VPS13D: variants seen among roughly 807,000 people sequenced by gnomAD.
VPS13D encodes the protein intermembrane lipid transfer protein VPS13D.
Under a neutral mutation model 461.9 loss-of-function variants are expected in VPS13D, and 187 were observed. The observed-to-expected ratio is 0.40, with a 90% CI of 0.36 to 0.46. VPS13D has a LOEUF of 0.46. Among genes scored for constraint, VPS13D ranks in the 20% least tolerant of loss-of-function variants. VPS13D has a pLI of 0.60. For missense variants in VPS13D, 4,711 were observed against 5,364.9 expected, an observed-to-expected ratio of 0.88 and a Z score of 3.81; for synonymous variants, 1,951 against 1,986.3, an observed-to-expected ratio of 0.98 and a Z score of 0.47.
chr1:12,357,273 G>A (rs1384464404), intron 49 of VPS13D, among the ~76,000 whole-genome samples: 1 of 152,234 alleles, frequency 6.6e-6, no homozygotes, highest in African/African-American at 2.4e-5. Context: ...GGGTACTGAT[G>A]TGTTTACAAG....
rs2100535715 is a variant in VPS13D, at chr1:12,495,400, C to T, written c.12663-2100C>T. 6.6e-6 allele frequency among the ~76,000 whole-genome samples: 1 copy of T among 152,270 alleles called. No homozygotes were observed. The highest frequency in any genetic ancestry group is 2.1e-4 in the South Asian group (1 of 4,820). On this transcript the variant is annotated intron_variant, in intron 67 of 69. Transcript: ENST00000620676. The surrounding 1 kb of genome is among the most constrained non-coding windows in gnomAD (Gnocchi z 4.0). ...ATCTTGATCTCCTGACCCTGTGATC[C>T]ATCCGCCTCGGCCTCCCAAAGTGCT...
chr1:12,494,297 G>A (rs2100532240), intron 67 of VPS13D, among the ~76,000 whole-genome samples: 1 of 152,244 alleles, frequency 6.6e-6, no homozygotes, highest in South Asian at 2.1e-4. Flanking sequence ...CTCTGCTTTT[G>A]TATTCTCTGA....
rs1176842270 is a variant in VPS13D at position 12,358,317 on chromosome 1, G to C, written c.9999-142G>C. 3 of 1,144,150 alleles carry C rather than the reference G, an allele frequency of 2.6e-6. No individual in the cohort carries two copies. The African/African-American group carries it at 4.7e-5, about 18-fold the overall frequency. The allele number at this position is 1,144,150 out of a possible 1,614,324, so 70.9% of individuals were successfully genotyped here. A position where few individuals can be genotyped will look rare whatever the true frequency, so the allele number is the denominator to read the frequency against. ...ACTGATGAATTTTGTCACTGTGCTA[G>C]GGAATCACATGAGAGTGAGGAAGAG... On this transcript the variant is annotated intron_variant, in intron 49 of 69. Coordinates refer to ENST00000620676, the MANE Select transcript of VPS13D (RefSeq NM_015378.4).
intron 65 of VPS13D, among the ~76,000 whole-genome samples, chr1:12,430,613 G>A (rs1383103836): frequency 2.0e-5 from 3 of 152,166 alleles, no homozygotes; most frequent in African/African-American, 7.2e-5. Context: ...TGGAACCAGG[G>A]GATGGTGCCC....
At chr1:12,356,624 G>A in intron 49 of VPS13D, 100 bp downstream of exon 49, 1 of 1,444,664 alleles carries the variant, frequency 6.9e-7, no homozygotes, top group Non-Finnish European at 9.2e-7. Flanking sequence ...ATATACTGTA[G>A]ATAACAATCC....
intron 67 of VPS13D, among the ~76,000 whole-genome samples, chr1:12,477,677 C>G (rs756578704): frequency 2.0e-5 from 3 of 152,176 alleles, no homozygotes; most frequent in Non-Finnish European, 4.4e-5. Flanking sequence ...GGGACCTTCT[C>G]CTATTTGATT....
rs929413068 is a variant in VPS13D at position 12,511,604 on chromosome 1, A to G, written c.*2580A>G. 1 of 152,256 alleles carries G rather than the reference A, an allele frequency of 6.6e-6. No individual in the cohort carries two copies. Among genetic ancestry groups the G allele is most frequent in the Admixed American group, 6.5e-5 (1 of 15,284 alleles). The allele number at this position is 152,256 out of a possible 1,614,324, so 9.4% of individuals were successfully genotyped here. On this transcript the variant is annotated 3_prime_UTR_variant, in exon 70 of 70. Transcript: ENST00000620676. This position sits in a 1 kb window ranked among gnomAD's most constrained non-coding sequence, Gnocchi z 4.5. ...TGAGGAAAGTAAAATAAATGGAATA[A>G]GAGTAAATTGGGTAAGGAGATATCC...
Position 12,249,233 on chromosome 1 carries a change from A to C in VPS13D, c.458A>C (p.Gln153Pro). The part of the protein sequence containing the change: ...RIVENIELKI[Q>P]DVHLRFEDGV... ...TTTTTCTCTTTGCAGTTAAAAATTCAAGATGTCCATTTACGCTTTGAAGAT... is the reference window on the plus strand; with the variant it reads ...TTTTTCTCTTTGCAGTTAAAAATTCCAGATGTCCATTTACGCTTTGAAGAT... The change falls in exon 6 of 70, where the codon CAA (glutamine) becomes CCA (proline). Residue 153 changes from glutamine (Q) to proline (P), a missense_variant. Physicochemically the swap from Gln to Pro is moderately conservative, Grantham distance 76. Around this residue, in one of 3 missense-constraint regions of VPS13D, gnomAD observed 4,411 missense variants for 4,937.8 expected, o/e 0.89. Coordinates refer to ENST00000620676, the MANE Select transcript of VPS13D (RefSeq NM_015378.4). 3 of 1,611,988 alleles carry C rather than the reference A, an allele frequency of 1.9e-6. No homozygotes were observed. In the South Asian group the frequency reaches 3.3e-5, roughly 18 times the overall value.
chr1:12,243,597 G>A (rs1406319205), intron 3 of VPS13D, among the ~76,000 whole-genome samples: 1 of 152,148 alleles, frequency 6.6e-6, no homozygotes, highest in Non-Finnish European at 1.5e-5. Context: ...TTCAAGACCA[G>A]CCTGGGCAAC....
At chr1:12,373,135 G>T (rs1337312904) in intron 54 of VPS13D, among the ~76,000 whole-genome samples, 3 of 117,146 alleles carry the variant, frequency 2.6e-5, no homozygotes, top group South Asian at 2.9e-4. Context: ...TTTTTTTGGG[G>T]GTTGGGGCAG....
intron 57 of VPS13D, among the ~76,000 whole-genome samples, chr1:12,381,956 T>TTC (rs1171580614): frequency 1.4e-5 from 2 of 141,804 alleles, no homozygotes; most frequent in Non-Finnish European, 3.0e-5. Flanking sequence ...CTTTCTTTCT[T>TTC]TCTTTCTTTC....
chr1:12,271,217 A>T, intron 17 of VPS13D, 93 bp downstream of exon 17: 1 of 1,480,754 alleles, frequency 6.8e-7, no homozygotes, highest in South Asian at 1.2e-5. Context: ...AGGCTTACTT[A>T]TATCAATTAT....
At position 12,506,929 on chromosome 1, in the gene VPS13D, G is replaced by C. The variant is rs1448654741; in HGVS notation, c.12871G>C (p.Asp4291His). ...SKAVYFLKSGDYVDREAIFLE... is the reference protein window; with the variant it reads ...SKAVYFLKSGHYVDREAIFLE... ...AGCTGTTTACTTCCTGAAAAGTGGAGACTACGTGGATCGAGAAGCCATTTT... is the reference window on the plus strand; with the variant it reads ...AGCTGTTTACTTCCTGAAAAGTGGACACTACGTGGATCGAGAAGCCATTTT... Residue 4291 changes from aspartate (D) to histidine (H), a missense_variant, in exon 69 of 70, where the codon GAC becomes CAC. Around this residue, in one of 3 missense-constraint regions of VPS13D, gnomAD observed 194 missense variants for 220.9 expected, o/e 0.88. Transcript: ENST00000620676. 1 of 1,614,156 alleles carries C rather than the reference G, an allele frequency of 6.2e-7. No homozygotes were observed. The highest frequency in any genetic ancestry group is 8.5e-7 in the Non-Finnish European group (1 of 1,180,064).
chr1:12,305,866 C>T (rs1055022870), intron 26 of VPS13D, among the ~76,000 whole-genome samples: 3 of 152,134 alleles, frequency 2.0e-5, no homozygotes, highest in African/African-American at 7.2e-5. Flanking sequence ...TAATTTTCAT[C>T]CCCGTAGTAG....
At chr1:12,391,748 G>A (rs1425763576) in intron 60 of VPS13D, among the ~76,000 whole-genome samples, 3 of 152,128 alleles carry the variant, frequency 2.0e-5, no homozygotes, top group Non-Finnish European at 1.5e-5. Flanking sequence ...TTGGGTAACT[G>A]TAAATCTATG....
Position 12,333,300 on chromosome 1 carries a change from C to G in VPS13D, c.8362C>G (p.Pro2788Ala). ...QQQAASRLHPPRLKLEAKAKP... is the reference protein window; with the variant it reads ...QQQAASRLHPARLKLEAKAKP... ...GCAGGCAGCTAGTCGTCTCCATCCT[C>G]CTCGACTGAAGCTAGAAGCCAAGGC... is the stretch of plus-strand genomic sequence containing the variant. The change falls in exon 38 of 70, where the codon CCT (proline) becomes GCT (alanine). Residue 2788 changes from proline to alanine, a missense_variant. Physicochemically the swap from Pro to Ala is conservative, Grantham distance 27 (BLOSUM62 -1). Transcript: ENST00000620676. 5 of 1,614,156 alleles carry G rather than the reference C, an allele frequency of 3.1e-6. No homozygotes were observed. The highest frequency in any genetic ancestry group is 4.2e-6 in the Non-Finnish European group (5 of 1,179,990).
In VPS13D at chr1:12,277,801, A is replaced by G. The variant is rs149021275; in HGVS notation, c.4213A>G (p.Ile1405Val). The G allele has an allele frequency of 2.0e-5, 32 of 1,614,204 alleles. No homozygotes were observed. The highest frequency in any genetic ancestry group is 2.7e-5 in the Non-Finnish European group (32 of 1,180,040). The change falls in exon 19 of 70, where the codon ATA becomes GTA. Residue 1405 changes from isoleucine to valine, a missense_variant. By Grantham distance (29) the Ile-to-Val change is conservative. Transcript: ENST00000620676. ...PELLVGHLGQ[I>V]FIQNFVAGDD... ...GTTGTTGGTGGGACACTTGGGACAG[A>G]TATTCATCCAGAATTTTGTGGCGGG...
chr1:12,383,256 A>G (rs2101650484), intron 58 of VPS13D, 101 bp downstream of exon 58: 1 of 1,215,130 alleles, frequency 8.2e-7, no homozygotes, highest in East Asian at 2.5e-5. Context: ...TATGCCAGAT[A>G]TGAAGATATG....
chr1:12,268,579 G>A, intron 15 of VPS13D, 127 bp from the exon 16 acceptor site: 4 of 1,058,126 alleles, frequency 3.8e-6, no homozygotes, highest in African/African-American at 1.6e-5. Context: ...TTAAAGATAG[G>A]CATAAATGTG....
Sources: allele counts gnomAD v4.1 joint callset (sites outside exome capture counted in the v4.1 genomes callset), GRCh38; gene constraint gnomAD v4.1.1; regional missense constraint gnomAD v4.1.1; non-coding constraint Gnocchi (gnomAD v3.1); transcripts MANE v1.5; gene names NCBI Gene and HGNC (gene_info 2026-07-23, HGNC 2026-07-21).